The following ZNF606 variants were observed in gnomAD, a reference collection of about 807,000 sequenced individuals.
ZNF606 encodes the protein zinc finger protein 328.
In ZNF606, 37 loss-of-function variants were observed where a neutral mutation model predicts 74.9. The ratio of observed to expected loss-of-function variants is 0.49; its 90% CI spans 0.38 to 0.65. The LOEUF is 0.65. Among genes scored for constraint, ZNF606 ranks in the 30% least tolerant of loss-of-function variants. ZNF606 has a pLI of 0.00. For synonymous variants in ZNF606, 328 were observed against 312.4 expected (o/e 1.05, Z -0.53); for missense variants, 852 against 952.9 (o/e 0.89, Z 1.39).
intron 4 of ZNF606, among the ~76,000 whole-genome samples, chr19:57,990,368 A>G (rs897449985): frequency 3.3e-5 from 4 of 119,850 alleles, no homozygotes; most frequent in African/African-American, 1.0e-4. Context: ...CTGTCTCAAA[A>G]AAAAAAAAAG....
intron 4 of ZNF606, among the ~76,000 whole-genome samples, chr19:57,995,416 C>T (rs7245862): frequency 0.69 from 104,203 of 151,856 alleles, 35,904 homozygotes; most frequent in South Asian, 0.73. Context: ...TGGATACACT[C>T]GGCAGCGCAA....
chr19:57,982,054 T>C (rs1016713123), intron 6 of ZNF606, among the ~76,000 whole-genome samples: 2 of 152,184 alleles, frequency 1.3e-5, no homozygotes, highest in African/African-American at 4.8e-5. Context: ...TTGTAACAAA[T>C]TACCACACAT....
chr19:57,988,781 A>T (rs754912757), intron 4 of ZNF606, 60 bp from the exon 5 acceptor site: 154 of 1,610,262 alleles, frequency 9.6e-5, no homozygotes, highest in Non-Finnish European at 1.3e-4. Context: ...ATTTCCAGGG[A>T]TGGAGTGAGG....
chr19:57,990,350 G>A (rs1398108050), intron 4 of ZNF606, among the ~76,000 whole-genome samples: 1 of 143,872 alleles, frequency 7.0e-6, no homozygotes, highest in Admixed American at 7.2e-5. Context: ...GGGCGACAAA[G>A]CAAGACTCTG....
At chr19:57,998,902 A>T (rs983631678) in intron 4 of ZNF606, 5 of 152,386 alleles carry the variant, frequency 3.3e-5, no homozygotes, top group African/African-American at 1.2e-4. Flanking sequence ...CCTCTCCTCC[A>T]TAGCTCCAAG....
chr19:58,000,039 T>G, intron 3 of ZNF606, 143 bp from the exon 4 acceptor site: 5 of 681,398 alleles, frequency 7.3e-6, no homozygotes, highest in Non-Finnish European at 1.2e-5. Flanking sequence ...ATGAAGGAAT[T>G]AGGGCTCAGA....
rs769518863 is a variant in ZNF606, at chr19:57,980,095, C to A, written c.585G>T (p.Arg195Ser). 22 of 1,613,812 alleles carry A rather than the reference C, an allele frequency of 1.4e-5. No individual in the cohort carries two copies. Among genetic ancestry groups the A allele is most frequent in the Non-Finnish European group, 1.9e-5 (22 of 1,180,030 alleles). Reference protein sequence around the residue: ...MYHMNQSTAMRQMVFMQKQVL... With the variant: ...MYHMNQSTAMSQMVFMQKQVL... ...CTTGCTTTTGCATGAAGACCATCTG[C>A]CTCATAGCTGTACTCTGGTTCATGT... Residue 195 changes from arginine to serine, a missense_variant, in exon 7 of 7, where the codon AGG (arginine) becomes AGT (serine). Physicochemically the swap from Arg to Ser is moderately radical, Grantham distance 110 (BLOSUM62 -1). Transcript: ENST00000551380.
chr19:58,000,243 A>C, intron 3 of ZNF606: 1 of 405,246 alleles, frequency 2.5e-6, no homozygotes, highest in Non-Finnish European at 4.4e-6. Context: ...TTTTTTTGAG[A>C]CTGAGTCTCG....
In ZNF606 at chr19:58,000,741, T is replaced by C; in HGVS notation, c.32-2A>G. 1 of 1,589,166 alleles carries C rather than the reference T, an allele frequency of 6.3e-7. No homozygotes were observed. The highest frequency in any genetic ancestry group is 8.6e-7 in the Non-Finnish European group (1 of 1,165,532). ...CCCAAGATTGGTCCGTAAGGGCACC[T>C]GCACAGAAGGATCAGGTTAGGACTG... is the stretch of plus-strand genomic sequence containing the variant. On this transcript the variant is annotated splice_acceptor_variant, in intron 2 of 6. Transcript: ENST00000551380. LOFTEE classifies it high-confidence loss of function.
chr19:58,003,124 C>A, upstream of ZNF606: 1 of 418,004 alleles, frequency 2.4e-6, no homozygotes, highest in South Asian at 1.7e-5. Flanking sequence ...CCGGGAGGAG[C>A]TCGGCGAGTT....
At chr19:57,993,277 AAAACT>A (rs2073287248) in intron 4 of ZNF606, among the ~76,000 whole-genome samples, 1 of 152,238 alleles carries the variant, frequency 6.6e-6, no homozygotes, top group South Asian at 2.1e-4. Context: ...ACTAAGACAT[AAAACT>A]AAACTAATAC....
In ZNF606 at chr19:57,979,644, T is replaced by C. The variant is rs751475089; in HGVS notation, c.1036A>G (p.Asn346Asp). 6.2e-6 allele frequency: 10 copies of C among 1,613,690 alleles called. No individual in the cohort carries two copies. The South Asian group carries it at 1.1e-4, about 18-fold the overall frequency. Residue 346 changes from asparagine (N) to aspartate (D), a missense_variant, in exon 7 of 7, where the codon AAT becomes GAT. By Grantham distance (23) the Asn-to-Asp change is conservative (BLOSUM62 1). Transcript: ENST00000551380. ...AAGATATTCTCATATTCTTTGTAATTATACTGGTTTTCTCCAACATGAAGC... is the reference window on the plus strand; with the variant it reads ...AAGATATTCTCATATTCTTTGTAATCATACTGGTTTTCTCCAACATGAAGC... ...PRLHVGENQY[N>D]YKEYENIFYF...
chr19:58,000,097 CT>C, intron 3 of ZNF606: 2 of 545,726 alleles, frequency 3.7e-6, no homozygotes, highest in Non-Finnish European at 6.5e-6. Flanking sequence ...TTGGCCCCCC[CT>C]GTGCTATTGG....
rs550877552 is a variant in ZNF606, at chr19:57,979,585, A to G, written c.1095T>C (p.Ile365=). ...YFSSFMEHQK[I]GTVEKAYKYN... is the part of the protein sequence containing the mutation. ...ATTTATACGCTTTCTCTACAGTACC[A>G]ATTTTTTGATGTTCCATAAAGGATG... The change falls in exon 7 of 7, where the codon ATT becomes ATC. Residue 365 remains isoleucine, a synonymous_variant. Coordinates refer to ENST00000551380, the MANE Select transcript of ZNF606 (RefSeq NM_001348022.3). 1.2e-6 allele frequency: 2 copies of G among 1,613,026 alleles called. No individual in the cohort carries two copies. Among genetic ancestry groups the G allele is most frequent in the African/African-American group, 1.3e-5 (1 of 74,978 alleles).
At chr19:57,988,465 C>G in intron 5 of ZNF606, 130 bp downstream of exon 5, 1 of 1,451,392 alleles carries the variant, frequency 6.9e-7, no homozygotes, top group Non-Finnish European at 9.3e-7. Context: ...ATCCCTGAAC[C>G]TCAGGGCCCA....
chr19:57,996,622 T>A (rs2073345200), intron 4 of ZNF606, among the ~76,000 whole-genome samples: 1 of 152,098 alleles, frequency 6.6e-6, no homozygotes. Flanking sequence ...AGGAACCTAG[T>A]CTCACAGGCT....
At chr19:58,003,200 T>C (rs1253664696), upstream of ZNF606, 1 of 456,462 alleles carries the variant, frequency 2.2e-6, no homozygotes, top group Admixed American at 2.3e-5. Flanking sequence ...ACTGCTGTTA[T>C]TCTCTTTAAG....
chr19:58,001,024 T>C (rs1158580664), intron 2 of ZNF606: 4 of 551,042 alleles, frequency 7.3e-6, no homozygotes, highest in Non-Finnish European at 1.3e-5. Flanking sequence ...ATTATATGTA[T>C]CACTGTTGTT....
At chr19:58,000,001 G>A (rs778184698) in intron 3 of ZNF606, 105 bp from the exon 4 acceptor site, 8 of 938,572 alleles carry the variant, frequency 8.5e-6, no homozygotes, top group Non-Finnish European at 1.3e-5. Context: ...CTTGAATGAG[G>A]AAAGAGACCC....
Sources: gnomAD v4.1 joint callset for allele counts (sites outside exome capture counted in the v4.1 genomes callset) on GRCh38, gnomAD v4.1.1 for gene constraint, MANE v1.5 for transcripts, NCBI Gene and HGNC (gene_info 2026-07-23, HGNC 2026-07-21) for gene names.